The following ULK4 variants were observed in gnomAD, a reference collection of about 807,000 sequenced individuals.
ULK4 encodes unc-51 like kinase 4.
In ULK4, 133 loss-of-function variants were observed where a neutral mutation model predicts 160.6. The ratio of observed to expected loss-of-function variants is 0.83; its 90% confidence interval spans 0.72 to 0.96. The LOEUF (loss-of-function observed/expected upper bound fraction) is 0.96. Among genes scored for constraint, ULK4 ranks in the 40% least tolerant of loss-of-function variants. ULK4 has a pLI of 0.00. For synonymous variants in ULK4, 534 were observed against 539.8 expected (o/e 0.99, Z 0.15); for missense variants, 1,580 against 1,499.5 (o/e 1.05, Z -0.89).
At chr3:41,745,509 A>C (rs1443584603) in intron 22 of ULK4, among the ~76,000 whole-genome samples, 2 of 151,780 alleles carry the variant, frequency 1.3e-5, no homozygotes, top group Non-Finnish European at 2.9e-5. Context: ...TTGTAATTTA[A>C]AAGTTCCCGA....
chr3:41,829,795 G>A, intron 18 of ULK4, among the ~76,000 whole-genome samples: 1 of 145,476 alleles, frequency 6.9e-6, no homozygotes, highest in African/African-American at 2.7e-5. Flanking sequence ...CCCATTACTG[G>A]GTATATAGTC....
At chr3:41,417,845 A>T (rs556218184) in intron 34 of ULK4, among the ~76,000 whole-genome samples, 1 of 152,240 alleles carries the variant, frequency 6.6e-6, no homozygotes, top group Non-Finnish European at 1.5e-5. Flanking sequence ...AATTAAAAAC[A>T]TACTAACTAC....
intron 31 of ULK4, among the ~76,000 whole-genome samples, chr3:41,580,006 G>A (rs2030153345): frequency 6.6e-6 from 1 of 152,084 alleles, no homozygotes; most frequent in South Asian, 2.1e-4. Context: ...ACACGTGTGA[G>A]GACTGCTTTC....
chr3:41,876,654 A>G (rs1048393804), intron 17 of ULK4, among the ~76,000 whole-genome samples: 1 of 152,254 alleles, frequency 6.6e-6, no homozygotes, highest in Non-Finnish European at 1.5e-5. Flanking sequence ...CCAAATGCCC[A>G]TCACCAGTGA....
chr3:41,463,014 A>C, intron 33 of ULK4, 73 bp downstream of exon 33: 1 of 1,503,096 alleles, frequency 6.7e-7, no homozygotes, highest in Non-Finnish European at 9.0e-7. Context: ...GAGGAAGATA[A>C]GAAAGAAGAG....
At chr3:41,917,483 T>C (rs943645120) in intron 7 of ULK4, among the ~76,000 whole-genome samples, 1 of 152,128 alleles carries the variant, frequency 6.6e-6, no homozygotes, top group South Asian at 2.1e-4. Context: ...TATATGTATA[T>C]ATAGCAATAA....
At chr3:41,470,264 T>C (rs768496462) in intron 32 of ULK4, among the ~76,000 whole-genome samples, 1 of 152,078 alleles carries the variant, frequency 6.6e-6, no homozygotes, top group Non-Finnish European at 1.5e-5. Context: ...GGAGTCCCAA[T>C]ACAATGTCAG....
intron 30 of ULK4, among the ~76,000 whole-genome samples, chr3:41,637,209 C>T (rs953842917): frequency 1.3e-5 from 2 of 152,148 alleles, no homozygotes; most frequent in Non-Finnish European, 2.9e-5. Context: ...CTACCTCCTT[C>T]CCTCACCCCT....
chr3:41,580,124 A>G (rs550862127), intron 31 of ULK4, among the ~76,000 whole-genome samples: 1 of 152,270 alleles, frequency 6.6e-6, no homozygotes, highest in Non-Finnish European at 1.5e-5. Flanking sequence ...TAGATGTGCC[A>G]TCCCCTCAGG....
intron 32 of ULK4, among the ~76,000 whole-genome samples, chr3:41,513,502 G>A (rs534906418): frequency 6.4e-4 from 97 of 152,260 alleles, no homozygotes; most frequent in African/African-American, 2.1e-3. Context: ...GCGTGGTGGC[G>A]CATGCCTGTA....
chr3:41,359,763 A>C (rs1277605377), intron 35 of ULK4, among the ~76,000 whole-genome samples: 1 of 152,212 alleles, frequency 6.6e-6, no homozygotes, highest in Non-Finnish European at 1.5e-5. Context: ...ATATCCATAT[A>C]CAAAAATCAA....
intron 12 of ULK4, among the ~76,000 whole-genome samples, chr3:41,902,091 G>C (rs1419979596): frequency 6.6e-6 from 1 of 152,054 alleles, no homozygotes; most frequent in Non-Finnish European, 1.5e-5. Context: ...GAGAATTTAT[G>C]CTTAAGAACT....
intron 34 of ULK4, among the ~76,000 whole-genome samples, chr3:41,422,611 C>T (rs895643174): frequency 2.0e-5 from 3 of 151,820 alleles, no homozygotes; most frequent in South Asian, 2.1e-4. Context: ...CTGCTATAGC[C>T]GCAGTCCAAA....
chr3:41,773,904 C>A (rs1242783735), intron 21 of ULK4, among the ~76,000 whole-genome samples: 4 of 152,148 alleles, frequency 2.6e-5, no homozygotes, highest in Admixed American at 6.5e-5. Flanking sequence ...ACAGAGCCCT[C>A]AGAAATAATG....
intron 29 of ULK4, among the ~76,000 whole-genome samples, chr3:41,669,569 G>A (rs991577463): frequency 6.6e-6 from 1 of 152,116 alleles, no homozygotes; most frequent in Non-Finnish European, 1.5e-5. Context: ...AAATGTATAT[G>A]AATTTTAACA....
chr3:41,583,411 G>A (rs1254278950), intron 31 of ULK4, among the ~76,000 whole-genome samples: 1 of 152,096 alleles, frequency 6.6e-6, no homozygotes, highest in Non-Finnish European at 1.5e-5. Flanking sequence ...ATAAGAGATG[G>A]ATCATCTAAA....
intron 35 of ULK4, among the ~76,000 whole-genome samples, chr3:41,356,697 C>T (rs1200375849): frequency 2.0e-5 from 3 of 152,086 alleles, no homozygotes; most frequent in Non-Finnish European, 4.4e-5. Flanking sequence ...TTTAATTTTG[C>T]TAAGAAAATG....
rs552657099 is a variant in ULK4, at chr3:41,759,350, AAAAT to A, written c.2194-4866_2194-4863del. On this transcript the variant is annotated intron_variant, in intron 21 of 36. Coordinates refer to ENST00000301831, the MANE Select transcript of ULK4 (RefSeq NM_017886.4). ...CAACATACCAATAATGAACAATTGG[AAAAT>A]AAATCCTTTTTAAAGTACCACTTTT... Among the ~76,000 whole-genome samples the A allele has an allele frequency of 6.7e-4, 102 of 152,358 alleles. 1 individual carries two copies. Among genetic ancestry groups the A allele is most frequent in the African/African-American group, 2.4e-3 (99 of 41,594 alleles).
chr3:41,268,897 C>T (rs1032993235), intron 35 of ULK4, among the ~76,000 whole-genome samples: 3 of 151,708 alleles, frequency 2.0e-5, no homozygotes, highest in Non-Finnish European at 2.9e-5. Flanking sequence ...AGGCTTTCCA[C>T]ACAGCTGCTA....
Sources: allele counts gnomAD v4.1 joint callset (sites outside exome capture counted in the v4.1 genomes callset), GRCh38; gene constraint gnomAD v4.1.1; transcripts MANE v1.5; gene names NCBI Gene and HGNC (gene_info 2026-07-23, HGNC 2026-07-21).